MICAL3: variants seen among roughly 807,000 people sequenced by gnomAD.
The protein encoded by MICAL3 is [F-actin]-monooxygenase MICAL3.
A neutral mutation model predicts 207.4 loss-of-function variants in MICAL3; 62 were observed. The observed-to-expected ratio is 0.30, with a 90% confidence interval of 0.24 to 0.37. The LOEUF (loss-of-function observed/expected upper bound fraction) is 0.37, where lower values mean the gene tolerates loss of function less well. Among genes scored for constraint, MICAL3 ranks in the 10% least tolerant of loss-of-function variants. The pLI, the probability that MICAL3 is intolerant of heterozygous loss-of-function variation, is 1.00. For synonymous variants in MICAL3, 1,077 were observed against 1,069.3 expected, an observed-to-expected ratio of 1.01 and a Z score of -0.14; for missense variants, 2,368 against 2,635.6, an observed-to-expected ratio of 0.90 and a Z score of 2.22.
chr22:17,838,222 T>C (rs1454931583), intron 20 of MICAL3, among the ~76,000 whole-genome samples: 1 of 152,208 alleles, frequency 6.6e-6, no homozygotes, highest in Non-Finnish European at 1.5e-5. Context: ...CTGGGAACTT[T>C]TGAGAACTAA....
chr22:17,934,267 G>A (rs1031577494), intron 1 of MICAL3, among the ~76,000 whole-genome samples: 5 of 152,340 alleles, frequency 3.3e-5, no homozygotes, highest in Non-Finnish European at 5.9e-5. Flanking sequence ...CCATGATCAA[G>A]TCAGCTTCAT....
Position 18,024,317 on chromosome 22 carries a change from G to A in MICAL3, c.-111C>T, listed in dbSNP as rs1924666315. On this transcript the variant is annotated 5_prime_UTR_variant, in exon 1 of 32. Transcript: ENST00000441493. ...TCACAGCCGCATCACCGCCGGCGGT[G>A]GGCGCCTGCCTCGGCAGGGGCAGGG... 1 of 152,264 alleles carries A rather than the reference G, an allele frequency of 6.6e-6. No homozygotes were observed. Among genetic ancestry groups the A allele is most frequent in the African/African-American group, 2.4e-5 (1 of 41,464 alleles). 9.4% of individuals were successfully genotyped at this position (152,264 alleles called of 1,614,324 possible). A position where few individuals can be genotyped will look rare whatever the true frequency, so the allele number is the denominator to read the frequency against.
chr22:17,810,884 A>G (rs436590), intron 27 of MICAL3, 71 bp from the exon 28 acceptor site: 501,368 of 1,247,130 alleles, frequency 0.4, 107,631 homozygotes, highest in African/African-American at 0.82. Context: ...CAGCAGGCCA[A>G]CAGGGGCCTG....
chr22:17,812,470 ATGCAACGG>A, intron 27 of MICAL3: 2 of 980,536 alleles, frequency 2.0e-6, no homozygotes, highest in Non-Finnish European at 2.4e-6. Flanking sequence ...ACAGACATGC[ATGCAACGG>A]TGACCAGCTG....
chr22:17,837,345 G>T (rs1229882700), intron 20 of MICAL3, among the ~76,000 whole-genome samples: 5 of 152,210 alleles, frequency 3.3e-5, no homozygotes, highest in Non-Finnish European at 7.3e-5. Flanking sequence ...TATTCTGACA[G>T]ACAGCAACGC....
intron 29 of MICAL3, among the ~76,000 whole-genome samples, chr22:17,799,338 C>T (rs149837257): frequency 2.2e-4 from 33 of 152,274 alleles, no homozygotes; most frequent in African/African-American, 7.2e-4. Flanking sequence ...GTGGAGATGG[C>T]GCCACTGGGT....
intron 19 of MICAL3, among the ~76,000 whole-genome samples, chr22:17,844,823 A>T (rs1001121916): frequency 6.6e-6 from 1 of 152,226 alleles, no homozygotes; most frequent in African/African-American, 2.4e-5. Flanking sequence ...AATGTGGACT[A>T]GAGGTAATGG....
chr22:17,956,758 C>T (rs934046216), intron 1 of MICAL3, among the ~76,000 whole-genome samples: 4 of 152,156 alleles, frequency 2.6e-5, no homozygotes, highest in African/African-American at 9.7e-5. Context: ...TACGTGCATA[C>T]AGGGCAGGAA....
chr22:17,945,726 C>T (rs1189602348), intron 1 of MICAL3, among the ~76,000 whole-genome samples: 1 of 152,196 alleles, frequency 6.6e-6, no homozygotes, highest in Non-Finnish European at 1.5e-5. Context: ...GAATGCCTTC[C>T]AGTCTAGCCT....
At chr22:17,821,977 A>G (rs1194603022) in intron 24 of MICAL3, 53 bp downstream of exon 24, 1 of 1,595,610 alleles carries the variant, frequency 6.3e-7, no homozygotes, top group Non-Finnish European at 8.5e-7. Context: ...TTGTGTGCAT[A>G]TGGCCCTCGT....
intron 1 of MICAL3, among the ~76,000 whole-genome samples, chr22:18,008,636 G>A (rs567020406): frequency 1.3e-5 from 2 of 152,218 alleles, no homozygotes; most frequent in Non-Finnish European, 2.9e-5. Context: ...CATGGATTGG[G>A]ATGTCTTAGA....
intron 1 of MICAL3, among the ~76,000 whole-genome samples, chr22:17,957,389 A>G (rs1005475870): frequency 6.6e-6 from 1 of 152,242 alleles, no homozygotes; most frequent in African/African-American, 2.4e-5. Context: ...GACTGAAACT[A>G]ATCTCATCTG....
intron 19 of MICAL3, chr22:17,863,553 T>C: frequency 1.0e-6 from 1 of 985,486 alleles, no homozygotes; most frequent in Non-Finnish European, 1.2e-6. Context: ...AAGTCATTAA[T>C]GGTTGAAACA....
At chr22:17,888,541 G>A (rs1285534158) in intron 13 of MICAL3, among the ~76,000 whole-genome samples, 2 of 152,202 alleles carry the variant, frequency 1.3e-5, no homozygotes, top group African/African-American at 2.4e-5. Flanking sequence ...AAGGGACATC[G>A]TTCTCCGGTG....
chr22:17,891,366 A>C, intron 12 of MICAL3, 119 bp downstream of exon 12: 14 of 829,116 alleles, frequency 1.7e-5, no homozygotes, highest in East Asian at 5.3e-5. Flanking sequence ...ACTGCCTTCT[A>C]GAGAAAGTAT....
rs73876511 is a variant in MICAL3 at position 17,831,114 on chromosome 22, T to C, written c.3055+740A>G. Among the ~76,000 whole-genome samples, 1,032 of 152,238 alleles carry C rather than the reference T, an allele frequency of 6.8e-3. 9 individuals carry two copies. The highest frequency in any genetic ancestry group is 0.021 in the African/African-American group (855 of 41,542). On this transcript the variant is annotated intron_variant, in intron 21 of 31. Transcript: ENST00000441493. ...TGGTGCTCAGAAATTAAAGGTCATGTCCTTCCTGCTCACTCCACATCTATC... is the reference window on the plus strand; with the variant it reads ...TGGTGCTCAGAAATTAAAGGTCATGCCCTTCCTGCTCACTCCACATCTATC...
At chr22:17,971,727 C>T (rs1935421421) in intron 1 of MICAL3, among the ~76,000 whole-genome samples, 1 of 152,238 alleles carries the variant, frequency 6.6e-6, no homozygotes. Flanking sequence ...CATACTTACA[C>T]ACTGTGAGAA....
chr22:17,871,686 T>C (rs1927738506), intron 17 of MICAL3, 151 bp downstream of exon 17: 2 of 654,136 alleles, frequency 3.1e-6, no homozygotes, highest in East Asian at 2.8e-5. Flanking sequence ...GAAAGAGTGA[T>C]GGAGGGAGAG....
chr22:17,965,799 G>A (rs1424791885), intron 1 of MICAL3, among the ~76,000 whole-genome samples: 1 of 152,156 alleles, frequency 6.6e-6, no homozygotes, highest in Non-Finnish European at 1.5e-5. Context: ...AGATAAGGGG[G>A]AAAATAGAAT....
Sources: allele counts gnomAD v4.1 joint callset (sites outside exome capture counted in the v4.1 genomes callset), GRCh38; gene constraint gnomAD v4.1.1; transcripts MANE v1.5; gene names NCBI Gene and HGNC (gene_info 2026-07-23, HGNC 2026-07-21).